Variants in SUCO observed in about 807,000 individuals in gnomAD.
SUCO encodes SUN domain containing ossification factor, also known as SUN domain-containing ossification factor.
SUCO carries 57 observed loss-of-function variants against 148.1 expected under a neutral mutation model. The ratio of observed to expected loss-of-function variants is 0.38; its 90% CI spans 0.31 to 0.48. The LOEUF is 0.48. Among genes scored for constraint, SUCO ranks in the 20% least tolerant of loss-of-function variants. The probability of loss-of-function intolerance (pLI) is 0.96; values close to 1 mark genes in which losing one functional copy is unlikely to be tolerated. For synonymous variants in SUCO, 470 were observed against 502.7 expected, an observed-to-expected ratio of 0.93 and a Z score of 0.87; for missense variants, 1,331 against 1,468.2, an observed-to-expected ratio of 0.91 and a Z score of 1.53.
rs1250878602 is a variant in SUCO at position 172,533,703 on chromosome 1, T to TCCC, written c.62+206_62+207insCCC. Among the ~76,000 whole-genome samples, 4 of 152,158 alleles carry TCCC rather than the reference T, an allele frequency of 2.6e-5. No individual in the cohort carries two copies. In the East Asian group the frequency reaches 7.7e-4, roughly 29 times the overall value. Reference sequence around the variant, plus strand: ...GATTTTCATGGTGTATTTTGGAATTTACAGAGACTCAGTGGGAGAGAGAGA... The same window carrying TCCC: ...GATTTTCATGGTGTATTTTGGAATTTCCCACAGAGACTCAGTGGGAGAGAGAGA... On this transcript the variant is annotated intron_variant, in intron 1 of 23. Coordinates refer to ENST00000263688, the MANE Select transcript of SUCO (RefSeq NM_014283.5).
intron 1 of SUCO, among the ~76,000 whole-genome samples, chr1:172,534,669 A>G (rs1394218426): frequency 6.6e-6 from 1 of 152,226 alleles, no homozygotes; most frequent in Non-Finnish European, 1.5e-5. Flanking sequence ...TGTTTTTAAT[A>G]AAATCCTCCC....
chr1:172,606,447 C>T (rs1308649386), intron 22 of SUCO, among the ~76,000 whole-genome samples: 1 of 151,698 alleles, frequency 6.6e-6, no homozygotes, highest in Non-Finnish European at 1.5e-5. Flanking sequence ...TCAAGTTCAT[C>T]AATACTTGTA....
Position 172,570,189 on chromosome 1 carries a change from A to T in SUCO, c.981+18A>T. ...AAGCCAAGGTAGGTGTTTAAATATA[A>T]AATTTTGTATATATAGGAAATTAAC... is the stretch of plus-strand genomic sequence containing the variant. On this transcript the variant is annotated intron_variant, in intron 8 of 23. Coordinates refer to ENST00000263688, the MANE Select transcript of SUCO (RefSeq NM_014283.5). The T allele has an allele frequency of 6.6e-7, 1 of 1,523,062 alleles. No individual in the cohort carries two copies. The highest frequency in any genetic ancestry group is 1.9e-5 in the Admixed American group (1 of 52,158). The allele number at this position is 1,523,062 out of a possible 1,614,324, so 94.3% of individuals were successfully genotyped here. A position where few individuals can be genotyped will look rare whatever the true frequency, so the allele number is the denominator to read the frequency against.
intron 6 of SUCO, among the ~76,000 whole-genome samples, chr1:172,560,788 C>T (rs1654092291): frequency 6.6e-6 from 1 of 152,110 alleles, no homozygotes; most frequent in Non-Finnish European, 1.5e-5. Flanking sequence ...AATTAAAAAA[C>T]AAAAAACAGA....
intron 15 of SUCO, among the ~76,000 whole-genome samples, chr1:172,580,698 A>T (rs568639114): frequency 2.0e-5 from 3 of 152,262 alleles, no homozygotes; most frequent in African/African-American, 7.2e-5. Flanking sequence ...AAAAGAGGAC[A>T]CCTTAAGGAA....
chr1:172,580,786 G>A (rs1214439112), intron 15 of SUCO, among the ~76,000 whole-genome samples: 1 of 152,080 alleles, frequency 6.6e-6, no homozygotes, highest in African/African-American at 2.4e-5. Flanking sequence ...TTCCTATGTG[G>A]TTAACTTCTA....
chr1:172,549,891 G>GAA (rs60802914), intron 1 of SUCO, among the ~76,000 whole-genome samples: 2,648 of 143,748 alleles, frequency 0.018, 84 homozygotes, highest in African/African-American at 0.057. Flanking sequence ...TTCCTTCAGG[G>GAA]AAAAAAAAAA....
chr1:172,591,236 A>G (rs1264853844), intron 19 of SUCO, among the ~76,000 whole-genome samples, 165 bp downstream of exon 19: 1 of 151,940 alleles, frequency 6.6e-6, no homozygotes, highest in African/African-American at 2.4e-5. Flanking sequence ...TTACATAGCT[A>G]TTAGCATCAT....
intron 1 of SUCO, among the ~76,000 whole-genome samples, chr1:172,537,360 C>T (rs1652103177): frequency 6.6e-6 from 1 of 152,050 alleles, no homozygotes; most frequent in Admixed American, 6.5e-5. Context: ...ATGTGATTGA[C>T]CTACTAGATT....
At chr1:172,608,703 C>T in intron 22 of SUCO, 44 bp from the exon 23 acceptor site, 1 of 1,307,910 alleles carries the variant, frequency 7.6e-7, no homozygotes, top group South Asian at 1.3e-5. Context: ...TCCACCAAAT[C>T]CACTTTACAT....
intron 17 of SUCO, chr1:172,588,549 C>G (rs1656394890): frequency 1.0e-6 from 1 of 984,918 alleles, no homozygotes. Context: ...TCTGGCTAGT[C>G]ACTTGATAAA....
chr1:172,573,901 G>T lies in SUCO; in HGVS notation c.1060G>T (p.Glu354Ter). 3 of 1,574,926 alleles carry T rather than the reference G, an allele frequency of 1.9e-6. No individual in the cohort carries two copies. The South Asian group carries it at 3.4e-5, about 18-fold the overall frequency. The change falls in exon 10 of 24, where the codon GAA (glutamate) becomes TAA (stop). Residue 354 changes from glutamate (E) to a stop codon, truncating the protein, a stop_gained. Coordinates refer to ENST00000263688, the MANE Select transcript of SUCO (RefSeq NM_014283.5). LOFTEE classifies it high-confidence loss of function. ...TTGTTCTTTTTGAAGGTTTGTTATT[G>T]AACTTTGTGAACCAATTCAAGTAAA... The part of the protein sequence containing the change: ...PCSTKIWFVI[E>*]LCEPIQVKQL...
At chr1:172,534,316 C>T (rs1221461152) in intron 1 of SUCO, among the ~76,000 whole-genome samples, 1 of 152,152 alleles carries the variant, frequency 6.6e-6, no homozygotes, top group Non-Finnish European at 1.5e-5. Flanking sequence ...CCATTCTTTC[C>T]TCCCAGGGAA....
At chr1:172,548,574 T>C (rs1407113766) in intron 1 of SUCO, among the ~76,000 whole-genome samples, 1 of 152,176 alleles carries the variant, frequency 6.6e-6, no homozygotes, top group Non-Finnish European at 1.5e-5. Context: ...CCAATTGTGA[T>C]TGGTAGTCTT....
At chr1:172,538,429 A>G (rs1445750424) in intron 1 of SUCO, among the ~76,000 whole-genome samples, 3 of 152,160 alleles carry the variant, frequency 2.0e-5, no homozygotes, top group Admixed American at 1.3e-4. Flanking sequence ...AAATTTAAAA[A>G]CTAGAACAAT....
In SUCO at chr1:172,569,140, AAAGT is replaced by A. The variant is rs750710141; in HGVS notation, c.856+2_856+5del. The A allele has an allele frequency of 6.5e-7, 1 of 1,548,430 alleles. No homozygotes were observed. Among genetic ancestry groups the A allele is most frequent in the Non-Finnish European group, 8.7e-7 (1 of 1,147,516 alleles). ...AAAGTTATGGAAGTAGAAAAAGAAA[AAAGT>A]AAGGAAGTATTTGAGTTCTTTAAAT... On this transcript the variant is annotated splice_donor_variant and coding_sequence_variant, in exon 7 of 24. Coordinates refer to ENST00000263688, the MANE Select transcript of SUCO (RefSeq NM_014283.5). LOFTEE classifies it high-confidence loss of function.
chr1:172,554,629 C>T lies in SUCO; in HGVS notation c.289-1240C>T, dbSNP rs1246914059. On this transcript the variant is annotated intron_variant, in intron 3 of 23. Coordinates refer to ENST00000263688, the MANE Select transcript of SUCO (RefSeq NM_014283.5). ...GTGCACGCCTATAGTCTCAGCTACTCAGGAGGCTGAGGCAGGAGAATTGCT... is the reference window on the plus strand; with the variant it reads ...GTGCACGCCTATAGTCTCAGCTACTTAGGAGGCTGAGGCAGGAGAATTGCT... Among the ~76,000 whole-genome samples the T allele has an allele frequency of 3.3e-5, 5 of 151,416 alleles. No homozygotes were observed. In the East Asian group the frequency reaches 9.7e-4, roughly 29 times the overall value.
chr1:172,591,053 A>G lies in SUCO; in HGVS notation c.2895A>G (p.Ser965=), dbSNP rs755759008. 6.2e-7 allele frequency: 1 copy of G among 1,611,576 alleles called. No homozygotes were observed. Among genetic ancestry groups the G allele is most frequent in the South Asian group, 1.1e-5 (1 of 90,486 alleles). Residue 965 remains serine (S), a synonymous_variant, in exon 19 of 24, where the codon TCA becomes TCG. Transcript: ENST00000263688. ...CAATCGTGAAACTTCAGAATACTTC[A>G]AGAATAGCAGAGGAGCAGGTTGGTT... ...NKTIVKLQNT[S]RIAEEQDQRQ...
chr1:172,591,872 T>C (rs1656699584), intron 19 of SUCO, among the ~76,000 whole-genome samples: 1 of 152,222 alleles, frequency 6.6e-6, no homozygotes, highest in Non-Finnish European at 1.5e-5. Context: ...TCCACCATGG[T>C]TGAACTAGTT....
Sources: allele counts gnomAD v4.1 joint callset (sites outside exome capture counted in the v4.1 genomes callset), GRCh38; gene constraint gnomAD v4.1.1; transcripts MANE v1.5; gene names NCBI Gene and HGNC (gene_info 2026-07-23, HGNC 2026-07-21).